The following PFDN1 variants were observed in gnomAD, a reference collection of about 807,000 sequenced individuals.
The protein encoded by PFDN1 is prefoldin subunit 1.
Under a neutral mutation model 17.3 loss-of-function variants are expected in PFDN1, and 6 were observed. The observed-to-expected ratio is 0.35, with a 90% confidence interval of 0.19 to 0.69. The LOEUF (loss-of-function observed/expected upper bound fraction) is 0.69, where lower values mean the gene tolerates loss of function less well. Among genes scored for constraint, PFDN1 ranks in the 30% least tolerant of loss-of-function variants. The probability of loss-of-function intolerance (pLI) is 0.65; values close to 1 mark genes in which losing one functional copy is unlikely to be tolerated. For missense variants in PFDN1, 113 were observed against 146.2 expected (o/e 0.77, Z 1.17); for synonymous variants, 58 against 50.1 (o/e 1.16, Z -0.67).
At chr5:140,249,198 T>C (rs1323096739) in intron 3 of PFDN1, among the ~76,000 whole-genome samples, 1 of 152,220 alleles carries the variant, frequency 6.6e-6, no homozygotes, top group Non-Finnish European at 1.5e-5. Flanking sequence ...TTCTAATCTC[T>C]GGTAATTTGG....
At chr5:140,301,975 CAAG>C (rs550131320) in intron 1 of PFDN1, among the ~76,000 whole-genome samples, 2 of 152,144 alleles carry the variant, frequency 1.3e-5, no homozygotes, top group South Asian at 2.1e-4. Flanking sequence ...AGATTCAAGA[CAAG>C]AAGAACAAAA....
intron 3 of PFDN1, among the ~76,000 whole-genome samples, chr5:140,259,295 A>G (rs1324025130): frequency 6.6e-6 from 1 of 152,242 alleles, no homozygotes; most frequent in Non-Finnish European, 1.5e-5. Flanking sequence ...CCTCAAGAAC[A>G]TGTAATGCAG....
At chr5:140,262,900 TA>T (rs150963611) in intron 3 of PFDN1, among the ~76,000 whole-genome samples, 6 of 149,118 alleles carry the variant, frequency 4.0e-5, no homozygotes, top group Middle Eastern at 3.2e-3. Context: ...TTTTCCAAAT[TA>T]AAAAAAAAAC....
intron 3 of PFDN1, among the ~76,000 whole-genome samples, chr5:140,263,878 C>G (rs970175135): frequency 2.6e-5 from 4 of 151,244 alleles, no homozygotes; most frequent in Non-Finnish European, 5.9e-5. Context: ...AAAATTAGCC[C>G]GGTGTGGTGG....
chr5:140,245,389 T>G lies in PFDN1; in HGVS notation c.*585A>C, dbSNP rs772656760. On this transcript the variant is annotated 3_prime_UTR_variant, in exon 4 of 4. Coordinates refer to ENST00000261813, the MANE Select transcript of PFDN1 (RefSeq NM_002622.5). ...TTTAGGCAGACTGCCATCCAGGGACTGCTATTCTGTTCACTGAGATTCAGC... is the reference window on the plus strand; with the variant it reads ...TTTAGGCAGACTGCCATCCAGGGACGGCTATTCTGTTCACTGAGATTCAGC... 3 of 698,956 alleles carry G rather than the reference T, an allele frequency of 4.3e-6. No homozygotes were observed. The highest frequency in any genetic ancestry group is 7.8e-6 in the Non-Finnish European group (3 of 383,008). 43.3% of individuals were successfully genotyped at this position (698,956 alleles called of 1,614,324 possible).
rs58605224 is a variant in PFDN1, at chr5:140,264,020, C to CAAAAAAAAAAAAA, written c.285+17416_285+17428dup. Among the ~76,000 whole-genome samples the CAAAAAAAAAAAAA allele has an allele frequency of 6.7e-4, 37 of 55,560 alleles. 5 individuals are homozygous for CAAAAAAAAAAAAA. The highest frequency in any genetic ancestry group is 8.7e-4 in the Non-Finnish European group (26 of 30,038). 36.4% of individuals were successfully genotyped at this position (55,560 alleles called of 152,430 possible). A position where few individuals can be genotyped will look rare whatever the true frequency, so the allele number is the denominator to read the frequency against. The stretch of plus-strand genomic sequence containing the variant: ...TGGGGGTCAGAGTGAGACTCCATCT[C>CAAAAAAAAAAAAA]AAAAAAAAAAAAAAAAAAAAAAAAA... On this transcript the variant is annotated intron_variant, in intron 3 of 3. Coordinates refer to ENST00000261813, the MANE Select transcript of PFDN1 (RefSeq NM_002622.5).
chr5:140,268,656 C>CA (rs1409252809), intron 3 of PFDN1, among the ~76,000 whole-genome samples: 5 of 151,532 alleles, frequency 3.3e-5, no homozygotes, highest in African/African-American at 1.2e-4. Flanking sequence ...ACAACAACAA[C>CA]AAAAAAAAGT....
At position 140,300,675 on chromosome 5, in the gene PFDN1, C is replaced by G. The variant is rs937018448; in HGVS notation, c.34-93G>C. ...ATATATTAAAACAAAATATGCTAGCCAGAGACAAAGCTGTGAAATTTACCA... is the reference window on the plus strand; with the variant it reads ...ATATATTAAAACAAAATATGCTAGCGAGAGACAAAGCTGTGAAATTTACCA... On this transcript the variant is annotated intron_variant, in intron 1 of 3. Coordinates refer to ENST00000261813, the MANE Select transcript of PFDN1 (RefSeq NM_002622.5). The G allele has an allele frequency of 7.7e-5, 62 of 801,490 alleles. No homozygotes were observed. In the Middle Eastern group the frequency reaches 9.4e-4, roughly 12 times the overall value. 49.6% of individuals were successfully genotyped at this position (801,490 alleles called of 1,614,324 possible). A position where few individuals can be genotyped will look rare whatever the true frequency, so the allele number is the denominator to read the frequency against.
rs529408507 is a variant in PFDN1, at chr5:140,265,263, T to A, written c.285+16186A>T. ...TGAGAGCAACCCTTCAGCCTGGCCCTGTATCAGCAGAGGGTTGCCCATGTG... is the reference window on the plus strand; with the variant it reads ...TGAGAGCAACCCTTCAGCCTGGCCCAGTATCAGCAGAGGGTTGCCCATGTG... On this transcript the variant is annotated intron_variant, in intron 3 of 3. Coordinates refer to ENST00000261813, the MANE Select transcript of PFDN1 (RefSeq NM_002622.5). 2.6e-5 allele frequency among the ~76,000 whole-genome samples: 4 copies of A among 152,252 alleles called. No individual in the cohort carries two copies. In the East Asian group the frequency reaches 7.7e-4, roughly 29 times the overall value.
chr5:140,290,047 TGATCACTA>T (rs1452161130), intron 2 of PFDN1, among the ~76,000 whole-genome samples: 1 of 152,230 alleles, frequency 6.6e-6, no homozygotes, highest in Non-Finnish European at 1.5e-5. Context: ...CCTCAGTTAT[TGATCACTA>T]TAATGACTGT....
chr5:140,276,022 TGA>T (rs1409859063), intron 3 of PFDN1, among the ~76,000 whole-genome samples: 1 of 92,718 alleles, frequency 1.1e-5, no homozygotes, highest in Non-Finnish European at 2.5e-5. Flanking sequence ...AAATTGATGA[TGA>T]TGATGATGAT....
In PFDN1 at chr5:140,289,955, A is replaced by C. The variant is rs574217596; in HGVS notation, c.201-8422T>G. ...TATGCTCTTATTACTAACCTCCTGA[A>C]TAGCTTCCTGCCTGCCTATGCTCCC... On this transcript the variant is annotated intron_variant, in intron 2 of 3. Coordinates refer to ENST00000261813, the MANE Select transcript of PFDN1 (RefSeq NM_002622.5). 2.0e-5 allele frequency among the ~76,000 whole-genome samples: 3 copies of C among 152,264 alleles called. No homozygotes were observed. The South Asian group carries it at 6.2e-4, about 32-fold the overall frequency.
At chr5:140,257,901 G>A (rs1166069176) in intron 3 of PFDN1, among the ~76,000 whole-genome samples, 3 of 152,198 alleles carry the variant, frequency 2.0e-5, no homozygotes, top group African/African-American at 7.2e-5. Flanking sequence ...TGGAATCAAG[G>A]AACTCACAGA....
At chr5:140,250,977 T>A (rs879434412) in intron 3 of PFDN1, among the ~76,000 whole-genome samples, 1 of 152,156 alleles carries the variant, frequency 6.6e-6, no homozygotes, top group Non-Finnish European at 1.5e-5. Context: ...CTCTGTTGCC[T>A]AAGGTAGAGT....
At chr5:140,299,763 C>T (rs1200914756) in intron 2 of PFDN1, among the ~76,000 whole-genome samples, 2 of 151,782 alleles carry the variant, frequency 1.3e-5, no homozygotes, top group Non-Finnish European at 2.9e-5. Flanking sequence ...ATCTGTAATC[C>T]AGCACTTTGG....
chr5:140,261,890 G>C (rs1019278264), intron 3 of PFDN1, among the ~76,000 whole-genome samples: 2 of 151,780 alleles, frequency 1.3e-5, no homozygotes, highest in African/African-American at 4.8e-5. Flanking sequence ...CTCCATCCAG[G>C]GTGATGCAGG....
chr5:140,254,419 C>A lies in PFDN1; in HGVS notation c.286-8362G>T, dbSNP rs1764957650. 1.3e-5 allele frequency among the ~76,000 whole-genome samples: 2 copies of A among 152,120 alleles called. No individual in the cohort carries two copies. Among genetic ancestry groups the A allele is most frequent in the South Asian group, 4.1e-4 (2 of 4,824 alleles). ...TTCCCCTCCTTTATCCTTCATAAAC[C>A]CTGGTCCTTGAAGTTCATGGCATCA... On this transcript the variant is annotated intron_variant, in intron 3 of 3. Coordinates refer to ENST00000261813, the MANE Select transcript of PFDN1 (RefSeq NM_002622.5). The surrounding 1 kb of genome is among the most constrained non-coding windows in gnomAD (Gnocchi z 4.4).
rs188246377 is a variant in PFDN1, at chr5:140,276,847, A to G, written c.285+4602T>C. On this transcript the variant is annotated intron_variant, in intron 3 of 3. Transcript: ENST00000261813. ...GCATGGCTAAAGCATACAGTATAACAGAAGGCAGAGGAAATGAGAGGGATG... is the reference window on the plus strand; with the variant it reads ...GCATGGCTAAAGCATACAGTATAACGGAAGGCAGAGGAAATGAGAGGGATG... 9.2e-5 allele frequency among the ~76,000 whole-genome samples: 14 copies of G among 151,890 alleles called. No individual in the cohort carries two copies. In the East Asian group the frequency reaches 1.7e-3, roughly 19 times the overall value.
At chr5:140,278,557 C>CAAAAAAAAAAAAAAAAAAAAAAAAAACAA (rs1765336558) in intron 3 of PFDN1, among the ~76,000 whole-genome samples, 1 of 79,006 alleles carries the variant, frequency 1.3e-5, no homozygotes, top group Admixed American at 1.7e-4. Context: ...GACTCTGTCT[C>CAAAAAAAAAAAAAAAAAAAAAAAAAACAA]AAAAAAAAAA....
Sources: gnomAD v4.1 joint callset for allele counts (sites outside exome capture counted in the v4.1 genomes callset) on GRCh38, gnomAD v4.1.1 for gene constraint, Gnocchi (gnomAD v3.1) non-coding constraint, MANE v1.5 for transcripts, NCBI Gene and HGNC (gene_info 2026-07-23, HGNC 2026-07-21) for gene names.